DST: variants seen among roughly 807,000 people sequenced by gnomAD.
DST encodes bullous pemphigoid antigen.
DST carries 253 observed loss-of-function variants against 875.2 expected under a neutral mutation model. The ratio of observed to expected loss-of-function variants is 0.29; its 90% CI spans 0.26 to 0.32. The LOEUF is 0.32. Among genes scored for constraint, DST ranks in the 10% least tolerant of loss-of-function variants. The pLI, the probability that DST is intolerant of heterozygous loss-of-function variation, is 1.00. For synonymous variants in DST, 3,124 were observed against 3,197.1 expected, an observed-to-expected ratio of 0.98 and a Z score of 0.77; for missense variants, 8,287 against 9,111.6, an observed-to-expected ratio of 0.91 and a Z score of 3.68.
intron 4 of DST, among the ~76,000 whole-genome samples, chr6:56,801,747 ATT>A (rs200681543): frequency 1.9e-4 from 25 of 132,338 alleles, no homozygotes; most frequent in East Asian, 2.1e-4. Context: ...TCACACAATA[ATT>A]TTTTTTTTTT....
At chr6:56,641,115 C>CAGAGAGAGAGAG (rs145412096) in intron 17 of DST, among the ~76,000 whole-genome samples, 62 of 142,626 alleles carry the variant, frequency 4.3e-4, no homozygotes, top group African/African-American at 1.0e-3. Flanking sequence ...TATTTATGCA[C>CAGAGAGAGAGAG]AGAGAGAGAG....
intron 2 of DST, among the ~76,000 whole-genome samples, chr6:56,936,976 A>C (rs1451705): frequency 0.21 from 31,523 of 152,082 alleles, 3,632 homozygotes; most frequent in Middle Eastern, 0.26. Context: ...CTGGTGAAAT[A>C]TTCCAAATAT....
At chr6:56,624,719 C>A in intron 35 of DST, 91 bp from the exon 36 acceptor site, 4 of 827,750 alleles carry the variant, frequency 4.8e-6, no homozygotes, top group Non-Finnish European at 8.1e-6. Context: ...ATTAACTAGG[C>A]CTTCAGACAG....
intron 4 of DST, among the ~76,000 whole-genome samples, chr6:56,737,356 A>T (rs1308993493): frequency 2.0e-5 from 3 of 152,268 alleles, no homozygotes; most frequent in African/African-American, 4.8e-5. Context: ...CACAAGAAAC[A>T]GACACACATA....
In DST at chr6:56,642,901, C is replaced by T; in HGVS notation, c.1779-398G>A. ...GAAAAGTGGCAGCTGAATATTACAG[C>T]TTTTAGTGGCTCCTTAAATATGCTT... On this transcript the variant is annotated intron_variant, in intron 15 of 103. Coordinates refer to ENST00000680361, the MANE Select transcript of DST (RefSeq NM_001374736.1). The T allele has an allele frequency of 3.2e-6, 5 of 1,563,684 alleles. No homozygotes were observed. In the South Asian group the frequency reaches 5.9e-5, roughly 18 times the overall value.
At chr6:56,626,860 G>C (rs1267796120) in intron 34 of DST, among the ~76,000 whole-genome samples, 1 of 152,052 alleles carries the variant, frequency 6.6e-6, no homozygotes, top group Non-Finnish European at 1.5e-5. Context: ...AACTTGAAAA[G>C]CATGAAAAGT....
At chr6:56,587,216 A>T (rs923602199) in intron 49 of DST, among the ~76,000 whole-genome samples, 2 of 152,162 alleles carry the variant, frequency 1.3e-5, no homozygotes, top group African/African-American at 4.8e-5. Flanking sequence ...AAGTGCTTAA[A>T]GGAGCTGATG....
chr6:56,671,415 T>C (rs2152829197), intron 9 of DST, among the ~76,000 whole-genome samples: 1 of 152,334 alleles, frequency 6.6e-6, no homozygotes, highest in East Asian at 1.9e-4. Context: ...TTCTCTCCTA[T>C]ATAACAATTT....
intron 74 of DST, among the ~76,000 whole-genome samples, chr6:56,509,095 A>C (rs1041924993): frequency 3.9e-5 from 6 of 152,320 alleles, no homozygotes; most frequent in East Asian, 1.9e-4. Flanking sequence ...ATGCTCCCCA[A>C]ATCAAGAGTA....
At chr6:56,650,012 G>T (rs1026348602) in intron 12 of DST, among the ~76,000 whole-genome samples, 1 of 152,076 alleles carries the variant, frequency 6.6e-6, no homozygotes, top group African/African-American at 2.4e-5. Flanking sequence ...ATCATCAGGG[G>T]TGAGCATGGG....
At chr6:56,589,371 A>AGTT (rs1177157257) in intron 49 of DST, among the ~76,000 whole-genome samples, 1 of 152,172 alleles carries the variant, frequency 6.6e-6, no homozygotes, top group Non-Finnish European at 1.5e-5. Flanking sequence ...TAACAATAAT[A>AGTT]GTTGTTTATA....
chr6:56,609,289 A>G lies in DST; in HGVS notation c.5339T>C (p.Val1780Ala). The G allele has an allele frequency of 6.2e-7, 1 of 1,613,466 alleles. No individual in the cohort carries two copies. The highest frequency in any genetic ancestry group is 1.7e-5 in the Admixed American group (1 of 59,976). Residue 1780 changes from valine to alanine, a missense_variant, in exon 40 of 104, where the codon GTC becomes GCC. By Grantham distance (64) the Val-to-Ala change is moderately conservative (BLOSUM62 0). Around this residue, in one of 10 missense-constraint regions of DST, gnomAD observed 3,138 missense variants for 3,116.6 expected, o/e 1.01. Coordinates refer to ENST00000680361, the MANE Select transcript of DST (RefSeq NM_001374736.1). ...IDQTTGEVLSVFQAVLRGLID... is the reference protein window; with the variant it reads ...IDQTTGEVLSAFQAVLRGLID... ...GAGGCCTCTTAAAACTGCTTGAAAG[A>G]CTGAAAGGACTTCTCCAGTTGTCTG...
chr6:56,660,804 G>T lies in DST; in HGVS notation c.1215-9560C>A, dbSNP rs557698666. On this transcript the variant is annotated intron_variant, in intron 10 of 103. Transcript: ENST00000680361. Reference sequence around the variant, plus strand: ...AAAGTGACTCTCCATTAACAACAAGGTAGACAGCAAAGATGAGAAACAGTA... The same window carrying T: ...AAAGTGACTCTCCATTAACAACAAGTTAGACAGCAAAGATGAGAAACAGTA... 1.7e-4 allele frequency among the ~76,000 whole-genome samples: 26 copies of T among 151,032 alleles called. No homozygotes were observed. In the South Asian group the frequency reaches 5.5e-3, roughly 32 times the overall value.
intron 98 of DST, among the ~76,000 whole-genome samples, chr6:56,467,800 T>C (rs986253341): frequency 6.6e-6 from 1 of 152,190 alleles, no homozygotes; most frequent in African/African-American, 2.4e-5. Flanking sequence ...ATATTCCCAG[T>C]AACCAAATCA....
At chr6:56,611,715 C>A (rs2098546827) in intron 37 of DST, 119 bp from the exon 38 acceptor site, 15 of 668,590 alleles carry the variant, frequency 2.2e-5, no homozygotes, top group Non-Finnish European at 3.6e-5. Context: ...TCTGGGTGAC[C>A]CAAGTGAATA....
chr6:56,745,659 G>T (rs924768955), intron 4 of DST, among the ~76,000 whole-genome samples: 2 of 152,064 alleles, frequency 1.3e-5, no homozygotes, highest in African/African-American at 2.4e-5. Context: ...TGTAGACAAA[G>T]TTTAAAAACT....
At chr6:56,899,354 C>CT (rs565444306) in intron 3 of DST, among the ~76,000 whole-genome samples, 3 of 151,958 alleles carry the variant, frequency 2.0e-5, no homozygotes, top group Admixed American at 6.6e-5. Context: ...TAAATATGTA[C>CT]TTTTTTTTCA....
intron 31 of DST, 117 bp from the exon 32 acceptor site, chr6:56,629,560 A>G (rs2098760279): frequency 1.3e-6 from 1 of 795,516 alleles, no homozygotes; most frequent in African/African-American, 1.7e-5. Flanking sequence ...AAGATAAAGG[A>G]AAGAATATCT....
chr6:56,509,903 G>A, intron 73 of DST, 30 bp from the exon 74 acceptor site: 2 of 1,474,980 alleles, frequency 1.4e-6, no homozygotes. Flanking sequence ...ATCTTTTATG[G>A]AAAAAAGATC....
Sources: allele counts gnomAD v4.1 joint callset (sites outside exome capture counted in the v4.1 genomes callset), GRCh38; gene constraint gnomAD v4.1.1; regional missense constraint gnomAD v4.1.1; transcripts MANE v1.5; gene names NCBI Gene and HGNC (gene_info 2026-07-23, HGNC 2026-07-21).